Variants in THSD7B observed in about 807,000 individuals in gnomAD.
The protein encoded by THSD7B is thrombospondin type 1 domain containing 7B.
A neutral mutation model predicts 213.6 loss-of-function variants in THSD7B; 138 were observed. That is an observed-to-expected ratio of 0.65 (90% CI 0.56 to 0.74). The LOEUF is 0.74. Ranked by LOEUF, THSD7B falls within the 30% of genes least tolerant of loss-of-function variation. The pLI is 0.00. For missense variants in THSD7B, 1,931 were observed against 1,991.5 expected (o/e 0.97, Z 0.58); for synonymous variants, 742 against 687.0 (o/e 1.08, Z -1.25).
chr2:137,665,241 G>A (rs1683424485), intron 26 of THSD7B, among the ~76,000 whole-genome samples: 1 of 152,120 alleles, frequency 6.6e-6, no homozygotes, highest in Non-Finnish European at 1.5e-5. Flanking sequence ...TTCTGACACA[G>A]AATTAAGTTG....
intron 2 of THSD7B, among the ~76,000 whole-genome samples, chr2:136,973,130 G>A (rs897056650): frequency 1.3e-5 from 2 of 152,056 alleles, no homozygotes; most frequent in African/African-American, 4.8e-5. Context: ...GGAATCTTAG[G>A]AAGCACAAAG....
chr2:137,507,864 TAA>T (rs1679872394), intron 15 of THSD7B, among the ~76,000 whole-genome samples: 3 of 152,164 alleles, frequency 2.0e-5, no homozygotes, highest in Admixed American at 6.5e-5. Context: ...TGATTTGGGC[TAA>T]AATAATTACC....
At chr2:137,469,483 A>G (rs1432192038) in intron 15 of THSD7B, among the ~76,000 whole-genome samples, 1 of 152,172 alleles carries the variant, frequency 6.6e-6, no homozygotes, top group African/African-American at 2.4e-5. Context: ...TATAATTTAT[A>G]TCATTTACGT....
intron 15 of THSD7B, among the ~76,000 whole-genome samples, chr2:137,524,036 TA>T (rs1680234181): frequency 6.6e-6 from 1 of 152,156 alleles, no homozygotes; most frequent in Middle Eastern, 3.2e-3. Context: ...CAACTCTTTT[TA>T]TAGTCTACTA....
chr2:137,058,110 T>C (rs969002552), intron 3 of THSD7B, among the ~76,000 whole-genome samples: 1 of 152,238 alleles, frequency 6.6e-6, no homozygotes, highest in African/African-American at 2.4e-5. Context: ...GATCCACAGC[T>C]GACCAGGAGA....
intron 2 of THSD7B, among the ~76,000 whole-genome samples, chr2:137,006,284 A>G (rs538641870): frequency 6.6e-6 from 1 of 152,094 alleles, no homozygotes; most frequent in African/African-American, 2.4e-5. Context: ...AGTCCGAACT[A>G]CTCAGGAGGC....
chr2:137,546,267 G>A (rs967129305), intron 15 of THSD7B, among the ~76,000 whole-genome samples: 2 of 136,304 alleles, frequency 1.5e-5, no homozygotes, highest in Non-Finnish European at 3.1e-5. Flanking sequence ...GGTGATATTA[G>A]CATCATGGTT....
chr2:137,082,707 G>T (rs1687767950), intron 3 of THSD7B, among the ~76,000 whole-genome samples: 1 of 151,884 alleles, frequency 6.6e-6, no homozygotes, highest in African/African-American at 2.4e-5. Flanking sequence ...TGCTGATATT[G>T]CTTATATCTC....
At chr2:137,249,294 C>A (rs181489977) in intron 10 of THSD7B, among the ~76,000 whole-genome samples, 3 of 151,646 alleles carry the variant, frequency 2.0e-5, no homozygotes, top group Non-Finnish European at 4.4e-5. Flanking sequence ...TTTATTAAAA[C>A]CCCGCATAAG....
intron 17 of THSD7B, among the ~76,000 whole-genome samples, chr2:137,597,638 T>A (rs1427365696): frequency 6.6e-6 from 1 of 151,936 alleles, no homozygotes; most frequent in Admixed American, 6.6e-5. Context: ...ACTGGAGGCA[T>A]CTCCAAGAAC....
At chr2:137,262,656 G>GC (rs1459721027) in intron 10 of THSD7B, among the ~76,000 whole-genome samples, 5 of 152,160 alleles carry the variant, frequency 3.3e-5, no homozygotes, top group Admixed American at 1.3e-4. Context: ...TAATGGTTTA[G>GC]CTAGTGTTCC....
chr2:137,273,432 G>C lies in THSD7B; in HGVS notation c.2396+770G>C, dbSNP rs564372803. On this transcript the variant is annotated intron_variant, in intron 11 of 27. Transcript: ENST00000409968. ...TGAAATGCTACTTTAAGGTGTATTT[G>C]GATTAAATTCAATCTCTATGGGGTT... 2.0e-5 allele frequency among the ~76,000 whole-genome samples: 3 copies of C among 151,970 alleles called. No homozygotes were observed. The South Asian group carries it at 6.2e-4, about 32-fold the overall frequency.
chr2:137,234,046 C>T (rs1681705236), intron 9 of THSD7B, among the ~76,000 whole-genome samples: 1 of 152,124 alleles, frequency 6.6e-6, no homozygotes, highest in Non-Finnish European at 1.5e-5. Flanking sequence ...GAGAATGAAA[C>T]TCATTTATTT....
chr2:136,772,674 G>T (rs568335487), intron 1 of THSD7B, among the ~76,000 whole-genome samples: 1 of 152,194 alleles, frequency 6.6e-6, no homozygotes, highest in African/African-American at 2.4e-5. Flanking sequence ...GGTCACTCTT[G>T]TGATTTGGTG....
In THSD7B at chr2:137,454,049, G is replaced by A. The variant is rs569229331; in HGVS notation, c.3138+3026G>A. On this transcript the variant is annotated intron_variant, in intron 15 of 27. Transcript: ENST00000409968. ...AGGTTGATTCCATAACTTGGCTGTTGTAAATAGTGCTGTAATGAGTATGGG... is the reference window on the plus strand; with the variant it reads ...AGGTTGATTCCATAACTTGGCTGTTATAAATAGTGCTGTAATGAGTATGGG... Among the ~76,000 whole-genome samples, 36 of 152,248 alleles carry A rather than the reference G, an allele frequency of 2.4e-4. 1 individual carries two copies. Among genetic ancestry groups the A allele is most frequent in the Admixed American group, 2.2e-3 (33 of 15,304 alleles).
At chr2:137,667,731 C>T in intron 26 of THSD7B, 43 bp from the exon 27 acceptor site, 1 of 1,511,750 alleles carries the variant, frequency 6.6e-7, no homozygotes. Context: ...ATGCTGCAGA[C>T]TTCTGTATGC....
intron 6 of THSD7B, among the ~76,000 whole-genome samples, chr2:137,167,088 T>G (rs1007029747): frequency 2.0e-5 from 3 of 152,176 alleles, no homozygotes; most frequent in Non-Finnish European, 4.4e-5. Context: ...TACCCAAAGT[T>G]CAGGGCCGCC....
chr2:137,123,118 T>C (rs1688572326), intron 5 of THSD7B, among the ~76,000 whole-genome samples: 1 of 152,178 alleles, frequency 6.6e-6, no homozygotes, highest in Non-Finnish European at 1.5e-5. Context: ...TGGCTCGTGC[T>C]GTGTGGTTTA....
intron 16 of THSD7B, 41 bp from the exon 17 acceptor site, chr2:137,572,365 T>A: frequency 6.2e-7 from 1 of 1,608,608 alleles, no homozygotes; most frequent in Non-Finnish European, 8.5e-7. Context: ...TACTCTCCAC[T>A]GTTTTAAATA....
Sources: allele counts gnomAD v4.1 joint callset (sites outside exome capture counted in the v4.1 genomes callset), GRCh38; gene constraint gnomAD v4.1.1; transcripts MANE v1.5; gene names NCBI Gene and HGNC (gene_info 2026-07-23, HGNC 2026-07-21).